The following NRG1 variants were observed in gnomAD, a reference collection of about 807,000 sequenced individuals.
NRG1 encodes the protein neuregulin 1.
NRG1 carries 18 observed loss-of-function variants against 63.8 expected under a neutral mutation model. The observed-to-expected ratio is 0.28, with a 90% CI of 0.19 to 0.42. The LOEUF is 0.42. Ranked by LOEUF, NRG1 falls within the 10% of genes least tolerant of loss-of-function variation. NRG1 has a pLI of 1.00. For missense variants in NRG1, 762 were observed against 814.7 expected (o/e 0.94, Z 0.79); for synonymous variants, 302 against 301.3 (o/e 1.00, Z -0.02).
intron 1 of NRG1, among the ~76,000 whole-genome samples, chr8:32,245,563 A>G (rs1848519519): frequency 6.6e-6 from 1 of 152,178 alleles, no homozygotes. Flanking sequence ...TTATGTCTAC[A>G]ATCTGATAAA....
intron 1 of NRG1, among the ~76,000 whole-genome samples, chr8:32,011,411 AC>A (rs1054459786): frequency 2.0e-5 from 3 of 152,056 alleles, no homozygotes; most frequent in African/African-American, 7.2e-5. Context: ...CACGATTAAC[AC>A]TTCAACCTCC....
At chr8:32,461,275 A>C (rs1435293466) in intron 1 of NRG1, among the ~76,000 whole-genome samples, 1 of 152,236 alleles carries the variant, frequency 6.6e-6, no homozygotes, top group Non-Finnish European at 1.5e-5. Flanking sequence ...AAACTTTAAT[A>C]TCTTCTGGAT....
At chr8:32,178,849 T>C (rs1378439447) in intron 1 of NRG1, among the ~76,000 whole-genome samples, 9 of 151,952 alleles carry the variant, frequency 5.9e-5, no homozygotes, top group Non-Finnish European at 1.3e-4. Flanking sequence ...GGAGTCAGGA[T>C]TGACTTACAC....
At chr8:32,341,413 T>C (rs1250038089) in intron 1 of NRG1, among the ~76,000 whole-genome samples, 1 of 152,206 alleles carries the variant, frequency 6.6e-6, no homozygotes, top group East Asian at 1.9e-4. Context: ...GTGGCTGAAA[T>C]TTTTTATGTC....
chr8:32,433,918 GACTTCAC>G (rs1299079073), intron 1 of NRG1, among the ~76,000 whole-genome samples: 1 of 151,934 alleles, frequency 6.6e-6, no homozygotes, highest in Non-Finnish European at 1.5e-5. Flanking sequence ...GTAAAACTTA[GACTTCAC>G]ACCTGTAATC....
At chr8:32,558,835 C>T (rs572016759) in intron 1 of NRG1, among the ~76,000 whole-genome samples, 12 of 152,156 alleles carry the variant, frequency 7.9e-5, no homozygotes, top group East Asian at 3.9e-4. Flanking sequence ...AATCCCAACA[C>T]TTTGGGAAGC....
At chr8:32,647,663 C>T (rs1853918051) in intron 5 of NRG1, 1 of 1,502,394 alleles carries the variant, frequency 6.7e-7, no homozygotes, top group East Asian at 2.3e-5. Flanking sequence ...TTGGGGGGGC[C>T]TCTGCGTGGT....
intron 1 of NRG1, among the ~76,000 whole-genome samples, chr8:32,307,467 A>T (rs1180426895): frequency 6.6e-6 from 1 of 150,514 alleles, no homozygotes; most frequent in African/African-American, 2.5e-5. Context: ...TGTTTGTCTT[A>T]GAATGCTGCA....
At chr8:31,681,211 A>G (rs988210378) in intron 1 of NRG1, among the ~76,000 whole-genome samples, 11 of 152,266 alleles carry the variant, frequency 7.2e-5, no homozygotes, top group Middle Eastern at 3.4e-3. Context: ...AATATATATA[A>G]GAAGATAGCT....
chr8:32,276,483 C>T (rs550593373), intron 1 of NRG1, among the ~76,000 whole-genome samples: 46 of 152,222 alleles, frequency 3.0e-4, no homozygotes, highest in African/African-American at 1.0e-3. Flanking sequence ...TCTGCTTTTA[C>T]TATGAGTGAA....
chr8:32,265,956 G>A (rs1007859461), intron 1 of NRG1, among the ~76,000 whole-genome samples: 2 of 152,154 alleles, frequency 1.3e-5, no homozygotes, highest in Non-Finnish European at 1.5e-5. Context: ...AGGAAAGAAT[G>A]TATGTAGCTT....
chr8:31,995,216 C>T (rs967011025), intron 1 of NRG1, among the ~76,000 whole-genome samples: 1 of 151,902 alleles, frequency 6.6e-6, no homozygotes, highest in South Asian at 2.1e-4. Context: ...ATCTCTTCTC[C>T]CCTCTGCCCT....
intron 1 of NRG1, among the ~76,000 whole-genome samples, chr8:31,758,158 C>T (rs1817168743): frequency 6.6e-6 from 1 of 152,034 alleles, no homozygotes; most frequent in Non-Finnish European, 1.5e-5. Context: ...TTGCTACACC[C>T]ATCAACCTGT....
At chr8:32,174,507 G>C (rs370994226) in intron 1 of NRG1, among the ~76,000 whole-genome samples, 2 of 151,996 alleles carry the variant, frequency 1.3e-5, no homozygotes, top group Admixed American at 1.3e-4. Flanking sequence ...AGGAAATAGA[G>C]ACACAAAAAA....
chr8:32,025,966 G>C (rs1362548472), intron 1 of NRG1, among the ~76,000 whole-genome samples: 1 of 147,328 alleles, frequency 6.8e-6, no homozygotes, highest in South Asian at 2.2e-4. Context: ...AAAAAAAAGT[G>C]AAGATATTGC....
At chr8:32,010,406 AT>A (rs765720307) in intron 1 of NRG1, among the ~76,000 whole-genome samples, 1 of 152,002 alleles carries the variant, frequency 6.6e-6, no homozygotes, top group Non-Finnish European at 1.5e-5. Context: ...TCCATCCTCT[AT>A]CCATTAATTT....
At chr8:31,833,503 G>A (rs1825373954) in intron 1 of NRG1, among the ~76,000 whole-genome samples, 1 of 152,128 alleles carries the variant, frequency 6.6e-6, no homozygotes, top group Non-Finnish European at 1.5e-5. Context: ...CATAGAACTG[G>A]GAATTCCTCC....
chr8:32,046,584 T>A (rs1481993936), intron 1 of NRG1, among the ~76,000 whole-genome samples: 1 of 152,144 alleles, frequency 6.6e-6, no homozygotes, highest in East Asian at 1.9e-4. Context: ...CAAACTGTGG[T>A]ATCTGACTAC....
chr8:32,528,636 A>G (rs558382832), intron 1 of NRG1, among the ~76,000 whole-genome samples: 1 of 152,326 alleles, frequency 6.6e-6, no homozygotes, highest in Admixed American at 6.5e-5. Context: ...TGCTTAGAGT[A>G]GATAATAGAG....
Sources: gnomAD v4.1 joint callset for allele counts (sites outside exome capture counted in the v4.1 genomes callset) on GRCh38, gnomAD v4.1.1 for gene constraint, MANE v1.5 for transcripts, NCBI Gene and HGNC (gene_info 2026-07-23, HGNC 2026-07-21) for gene names.